PPP3CC: variants seen among roughly 807,000 people sequenced by gnomAD.
PPP3CC encodes protein phosphatase 3 catalytic subunit gamma.
A neutral mutation model predicts 60.3 loss-of-function variants in PPP3CC; 35 were observed. The ratio of observed to expected loss-of-function variants is 0.58; its 90% confidence interval spans 0.44 to 0.77. PPP3CC has a LOEUF of 0.77. Ranked by LOEUF, PPP3CC falls within the 30% of genes least tolerant of loss-of-function variation. The probability of loss-of-function intolerance (pLI) is 0.00; values close to 1 mark genes in which losing one functional copy is unlikely to be tolerated. For missense variants in PPP3CC, 570 were observed against 628.9 expected, an observed-to-expected ratio of 0.91 and a Z score of 1.00; for synonymous variants, 206 against 224.3, an observed-to-expected ratio of 0.92 and a Z score of 0.73.
chr8:22,500,534 A>G (rs1013067182), intron 4 of PPP3CC, among the ~76,000 whole-genome samples: 1 of 152,178 alleles, frequency 6.6e-6, no homozygotes, highest in African/African-American at 2.4e-5. Flanking sequence ...AAAGTTTATT[A>G]ATCTGCCACA....
intron 12 of PPP3CC, among the ~76,000 whole-genome samples, chr8:22,535,222 A>G (rs776348430): frequency 6.6e-6 from 1 of 152,194 alleles, no homozygotes; most frequent in Non-Finnish European, 1.5e-5. Context: ...CACCTCTTCA[A>G]TCAGAGTACC....
chr8:22,487,171 T>TAG (rs1329489958), intron 3 of PPP3CC, among the ~76,000 whole-genome samples: 2 of 152,242 alleles, frequency 1.3e-5, no homozygotes, highest in Non-Finnish European at 2.9e-5. Context: ...TTTTTGAATA[T>TAG]ATCTGTGATG....
At chr8:22,481,214 A>G (rs1307146635) in intron 3 of PPP3CC, among the ~76,000 whole-genome samples, 1 of 152,056 alleles carries the variant, frequency 6.6e-6, no homozygotes, top group Non-Finnish European at 1.5e-5. Context: ...GGGTGCCTGT[A>G]ATTCCAGCTA....
At chr8:22,535,449 T>G (rs919058582) in intron 12 of PPP3CC, among the ~76,000 whole-genome samples, 1 of 152,210 alleles carries the variant, frequency 6.6e-6, no homozygotes, top group African/African-American at 2.4e-5. Context: ...TTTGTTGAAT[T>G]GTTTCTATTT....
In PPP3CC at chr8:22,460,746, C is replaced by T. The variant is rs116612654; in HGVS notation, c.50-14208C>T. On this transcript the variant is annotated intron_variant, in intron 1 of 13. Transcript: ENST00000240139. ...AGGTGAGAGGATTGCTTGAGGAGTT[C>T]GAGGCTACCGTGAGGCATGATCAAG... 8.0e-3 allele frequency among the ~76,000 whole-genome samples: 1,214 copies of T among 152,052 alleles called. 23 individuals carry two copies. The highest frequency in any genetic ancestry group is 0.028 in the African/African-American group (1,163 of 41,462).
chr8:22,464,596 G>T (rs903629879), intron 1 of PPP3CC, among the ~76,000 whole-genome samples: 4 of 152,112 alleles, frequency 2.6e-5, no homozygotes. Context: ...TGCGCAGGCT[G>T]GTCTCGAACT....
At chr8:22,524,056 G>A (rs1839477455) in intron 8 of PPP3CC, among the ~76,000 whole-genome samples, 1 of 152,072 alleles carries the variant, frequency 6.6e-6, no homozygotes, top group South Asian at 2.1e-4. Context: ...GTCATATGGG[G>A]TTGTTGAAGA....
In PPP3CC at chr8:22,499,362, C is replaced by T. The variant is rs1182771584; in HGVS notation, c.484+1250C>T. On this transcript the variant is annotated intron_variant, in intron 4 of 13. Coordinates refer to ENST00000240139, the MANE Select transcript of PPP3CC (RefSeq NM_005605.5). ...GCTGAGGCAGGAGAATGGCGTGAAC[C>T]CGGGAAGCGGAGCTTGCAGTGAGCC... is the stretch of plus-strand genomic sequence containing the variant. 4.0e-5 allele frequency among the ~76,000 whole-genome samples: 6 copies of T among 151,032 alleles called. No individual in the cohort carries two copies. The East Asian group carries it at 1.2e-3, about 29-fold the overall frequency.
chr8:22,515,529 GT>G, intron 6 of PPP3CC, among the ~76,000 whole-genome samples: 1 of 152,170 alleles, frequency 6.6e-6, no homozygotes, highest in East Asian at 1.9e-4. Context: ...TCTGTTTTTA[GT>G]TTTTTTGAGG....
chr8:22,506,580 G>A (rs940329765), intron 4 of PPP3CC, among the ~76,000 whole-genome samples: 12 of 152,132 alleles, frequency 7.9e-5, no homozygotes, highest in Non-Finnish European at 1.5e-4. Context: ...CCAGGAAACT[G>A]GTAATATTGG....
At chr8:22,502,786 TCTC>T (rs1838799830) in intron 4 of PPP3CC, among the ~76,000 whole-genome samples, 1 of 152,220 alleles carries the variant, frequency 6.6e-6, no homozygotes, top group Non-Finnish European at 1.5e-5. Flanking sequence ...TAAATGGTCA[TCTC>T]CTTTGTAAAT....
chr8:22,537,002 G>C (rs901786217), intron 12 of PPP3CC, among the ~76,000 whole-genome samples: 10 of 152,158 alleles, frequency 6.6e-5, no homozygotes, highest in Non-Finnish European at 4.4e-5. Flanking sequence ...CATCCCAGTA[G>C]CCAAAATAGT....
chr8:22,450,891 A>C (rs1394755618), intron 1 of PPP3CC, among the ~76,000 whole-genome samples: 1 of 151,152 alleles, frequency 6.6e-6, no homozygotes. Context: ...GCTAGAGTGC[A>C]GTGGCGCCAC....
At chr8:22,489,713 GTATATAT>G (rs941540707) in intron 3 of PPP3CC, among the ~76,000 whole-genome samples, 7 of 131,456 alleles carry the variant, frequency 5.3e-5, no homozygotes, top group East Asian at 2.1e-4. Flanking sequence ...TTATATATAA[GTATATAT>G]TATATATTAT....
At chr8:22,514,248 CAAAAAAAAAAA>C (rs66505760) in intron 6 of PPP3CC, among the ~76,000 whole-genome samples, 3 of 89,492 alleles carry the variant, frequency 3.4e-5, no homozygotes, top group Admixed American at 1.3e-4. Flanking sequence ...ACTCTGTCTC[CAAAAAAAAAAA>C]AAAAAAAAAA....
intron 3 of PPP3CC, among the ~76,000 whole-genome samples, chr8:22,477,904 G>A (rs1192446038): frequency 6.6e-6 from 1 of 152,182 alleles, no homozygotes; most frequent in Non-Finnish European, 1.5e-5. Flanking sequence ...AGGCTAGAGT[G>A]CAATGGCACG....
Position 22,528,253 on chromosome 8 carries a change from C to T in PPP3CC, c.1070-253C>T, listed in dbSNP as rs187568969. ...TGGGAAGAAGCTCTGAACAGCAATC[C>T]GGTAAAATCAAGTAATTAGGCAATA... is the stretch of plus-strand genomic sequence containing the variant. On this transcript the variant is annotated intron_variant, in intron 9 of 13. Coordinates refer to ENST00000240139, the MANE Select transcript of PPP3CC (RefSeq NM_005605.5). Among the ~76,000 whole-genome samples, 461 of 152,246 alleles carry T rather than the reference C, an allele frequency of 3.0e-3. 4 individuals are homozygous for T. Among genetic ancestry groups the T allele is most frequent in the Non-Finnish European group, 2.7e-3 (185 of 68,010 alleles).
At chr8:22,480,946 A>G (rs923989836) in intron 3 of PPP3CC, among the ~76,000 whole-genome samples, 1 of 152,232 alleles carries the variant, frequency 6.6e-6, no homozygotes, top group African/African-American at 2.4e-5. Context: ...ACAAAAAAAG[A>G]CTTAATTGAG....
chr8:22,461,503 T>C (rs955786803), intron 1 of PPP3CC, among the ~76,000 whole-genome samples: 2 of 152,102 alleles, frequency 1.3e-5, no homozygotes, highest in African/African-American at 4.8e-5. Context: ...TTTAAGTAAA[T>C]AGTAGAATAA....
Sources: gnomAD v4.1 joint callset for allele counts (sites outside exome capture counted in the v4.1 genomes callset) on GRCh38, gnomAD v4.1.1 for gene constraint, MANE v1.5 for transcripts, NCBI Gene and HGNC (gene_info 2026-07-23, HGNC 2026-07-21) for gene names.